Variants in GIMAP8 observed in about 807,000 individuals in gnomAD.
The protein encoded by GIMAP8 is GTPase IMAP family member 8.
GIMAP8 carries 29 observed loss-of-function variants against 35.6 expected under a neutral mutation model. The ratio of observed to expected loss-of-function variants is 0.81; its 90% CI spans 0.61 to 1.11. The LOEUF (loss-of-function observed/expected upper bound fraction) is 1.11, where lower values mean the gene tolerates loss of function less well. Among genes scored for constraint, GIMAP8 ranks in the 50% most tolerant of loss-of-function variants. The pLI is 0.00. For synonymous variants in GIMAP8, 335 were observed against 308.7 expected, an observed-to-expected ratio of 1.09 and a Z score of -0.89; for missense variants, 811 against 805.0, an observed-to-expected ratio of 1.01 and a Z score of -0.09.
At position 150,474,292 on chromosome 7, in the gene GIMAP8, T is replaced by C. The variant is rs947935491; in HGVS notation, c.963T>C (p.Cys321=). The change falls in exon 4 of 5, where the codon TGT becomes TGC. Residue 321 remains cysteine, a synonymous_variant. Transcript: ENST00000307271. The part of the protein sequence containing the change: ...NIDSEVRKHI[C]TGPHAFLLVT... ...ACTCAGAAGTTAGAAAACACATCTG[T>C]ACAGGCCCCCATGCCTTCCTGCTGG... 6.2e-7 allele frequency: 1 copy of C among 1,614,172 alleles called. No homozygotes were observed. Among genetic ancestry groups the C allele is most frequent in the Non-Finnish European group, 8.5e-7 (1 of 1,179,996 alleles).
At chr7:150,471,902 A>G (rs1802101205) in intron 3 of GIMAP8, among the ~76,000 whole-genome samples, 1 of 152,292 alleles carries the variant, frequency 6.6e-6, no homozygotes, top group South Asian at 2.1e-4. Flanking sequence ...ATGTAATTCA[A>G]TCTTCATAGC....
At chr7:150,461,153 G>T (rs536675846) in intron 1 of GIMAP8, among the ~76,000 whole-genome samples, 13 of 152,218 alleles carry the variant, frequency 8.5e-5, no homozygotes, top group Non-Finnish European at 1.3e-4. Flanking sequence ...ATAACAGATG[G>T]TCTAGCCTGG....
At chr7:150,469,816 G>A (rs111775785) in intron 2 of GIMAP8, among the ~76,000 whole-genome samples, 57 of 152,270 alleles carry the variant, frequency 3.7e-4, no homozygotes, top group African/African-American at 1.1e-3. Context: ...TCAATGAAAA[G>A]ATGGTTGCAT....
chr7:150,461,674 T>G (rs1460006347), intron 1 of GIMAP8, among the ~76,000 whole-genome samples: 3 of 152,258 alleles, frequency 2.0e-5, no homozygotes, highest in East Asian at 3.8e-4. Context: ...TCAGCCAGTC[T>G]ATACCTTTAA....
rs186347968 is a variant in GIMAP8 at position 150,474,848 on chromosome 7, A to G, written c.1309+210A>G. Among the ~76,000 whole-genome samples, 6 of 151,842 alleles carry G rather than the reference A, an allele frequency of 4.0e-5. No individual in the cohort carries two copies. In the East Asian group the frequency reaches 5.8e-4, roughly 15 times the overall value. On this transcript the variant is annotated intron_variant, in intron 4 of 4. Coordinates refer to ENST00000307271, the MANE Select transcript of GIMAP8 (RefSeq NM_175571.4). The stretch of plus-strand genomic sequence containing the variant: ...ACTAACTCGTCATCTAGCATTAGGT[A>G]TATCTCCCAATGCTATCCCTCCCCA...
chr7:150,475,342 GACTA>G (rs1351051812), intron 4 of GIMAP8, among the ~76,000 whole-genome samples: 1 of 152,196 alleles, frequency 6.6e-6, no homozygotes, highest in Non-Finnish European at 1.5e-5. Context: ...CTGTTCTATG[GACTA>G]ACTCTTTTCT....
rs569404840 is a variant in GIMAP8 at position 150,466,609 on chromosome 7, C to A, written c.-28-62C>A. 51 of 1,398,512 alleles carry A rather than the reference C, an allele frequency of 3.6e-5. No homozygotes were observed. In the East Asian group the frequency reaches 1.1e-3, roughly 31 times the overall value. The allele number at this position is 1,398,512 out of a possible 1,614,324, so 86.6% of individuals were successfully genotyped here. A position where few individuals can be genotyped will look rare whatever the true frequency, so the allele number is the denominator to read the frequency against. On this transcript the variant is annotated intron_variant, in intron 1 of 4. Coordinates refer to ENST00000307271, the MANE Select transcript of GIMAP8 (RefSeq NM_175571.4). ...GTCAAAAAGAGAATGTCTTTTCTTG[C>A]TGTTTTCCTGTCCACTCTGTGTGGG...
intron 1 of GIMAP8, among the ~76,000 whole-genome samples, chr7:150,464,779 T>C (rs1262245459): frequency 6.6e-6 from 1 of 152,244 alleles, no homozygotes; most frequent in Non-Finnish European, 1.5e-5. Context: ...TGGAGCCAGA[T>C]TGTTTTCTTT....
At position 150,450,797 on chromosome 7, in the gene GIMAP8, C is replaced by A. The variant is rs1563277575; in HGVS notation, c.-407C>A. ...CAGCCCCTGGCCAAGCCTCTGCTGTCATTTCTCCTCCCTCCTCTCAGTCTG... is the reference window on the plus strand; with the variant it reads ...CAGCCCCTGGCCAAGCCTCTGCTGTAATTTCTCCTCCCTCCTCTCAGTCTG... On this transcript the variant is annotated 5_prime_UTR_variant, in exon 1 of 5. Coordinates refer to ENST00000307271, the MANE Select transcript of GIMAP8 (RefSeq NM_175571.4). The surrounding 1 kb of genome is among the most constrained non-coding windows in gnomAD (Gnocchi z 4.4). The A allele has an allele frequency of 6.5e-6, 1 of 153,360 alleles. No individual in the cohort carries two copies. The highest frequency in any genetic ancestry group is 2.4e-5 in the African/African-American group (1 of 41,478). 9.5% of individuals were successfully genotyped at this position (153,360 alleles called of 1,614,324 possible).
intron 2 of GIMAP8, 59 bp from the exon 3 acceptor site, chr7:150,470,761 TTTTTTTTCA>T (rs1186602171): frequency 7.0e-4 from 499 of 710,874 alleles, no homozygotes; most frequent in East Asian, 4.1e-3. Context: ...TTTTTTTTTT[TTTTTTTTCA>T]GTTTGTGGAA....
At chr7:150,468,032 C>G (rs1361289751) in intron 2 of GIMAP8, among the ~76,000 whole-genome samples, 1 of 152,214 alleles carries the variant, frequency 6.6e-6, no homozygotes, top group African/African-American at 2.4e-5. Flanking sequence ...TCACCATGCT[C>G]TTTGTACCCA....
intron 1 of GIMAP8, among the ~76,000 whole-genome samples, chr7:150,454,166 T>G (rs1585110306): frequency 7.1e-6 from 1 of 141,672 alleles, no homozygotes; most frequent in African/African-American, 2.7e-5. Flanking sequence ...GGGAAGGGGG[T>G]GGGAGATGAG....
intron 1 of GIMAP8, among the ~76,000 whole-genome samples, chr7:150,455,870 A>G (rs1028897370): frequency 6.6e-6 from 1 of 152,222 alleles, no homozygotes; most frequent in African/African-American, 2.4e-5. Context: ...TCTCTGGGAT[A>G]TTCTGGGAGC....
At chr7:150,454,489 G>A (rs1801686566) in intron 1 of GIMAP8, among the ~76,000 whole-genome samples, 1 of 152,172 alleles carries the variant, frequency 6.6e-6, no homozygotes, top group African/African-American at 2.4e-5. Flanking sequence ...CTAAGTGATG[G>A]AGAATGGGTA....
At position 150,474,099 on chromosome 7, in the gene GIMAP8, G is replaced by T; in HGVS notation, c.770G>T (p.Gly257Val). 6.2e-7 allele frequency: 1 copy of T among 1,614,216 alleles called. No individual in the cohort carries two copies. Among genetic ancestry groups the T allele is most frequent in the Admixed American group, 1.7e-5 (1 of 60,026 alleles). Residue 257 changes from glycine (G) to valine (V), a missense_variant, in exon 4 of 5, where the codon GGT (glycine) becomes GTT (valine). Gly to Val is a moderately radical substitution (Grantham distance 109). Transcript: ENST00000307271. ...ACAGTCCTCCTTGTGGGGAAACGCGGTGCTGGAAAAAGTGCAGCAGGAAAC... is the reference window on the plus strand; with the variant it reads ...ACAGTCCTCCTTGTGGGGAAACGCGTTGCTGGAAAAAGTGCAGCAGGAAAC... ...ELTVLLVGKRGAGKSAAGNSI... is the reference protein window; with the variant it reads ...ELTVLLVGKRVAGKSAAGNSI...
At chr7:150,475,647 T>C (rs534699362) in intron 4 of GIMAP8, among the ~76,000 whole-genome samples, 5 of 152,346 alleles carry the variant, frequency 3.3e-5, no homozygotes, top group African/African-American at 4.8e-5. Flanking sequence ...CCCGTTTTTT[T>C]TTCTGCTTCA....
At chr7:150,460,127 T>A (rs1801813402) in intron 1 of GIMAP8, among the ~76,000 whole-genome samples, 1 of 152,148 alleles carries the variant, frequency 6.6e-6, no homozygotes, top group African/African-American at 2.4e-5. Context: ...CCATGTATAA[T>A]CTCCACCTCT....
chr7:150,473,954 G>T (rs1365906199), intron 3 of GIMAP8, 58 bp from the exon 4 acceptor site: 4 of 1,535,222 alleles, frequency 2.6e-6, no homozygotes, highest in Non-Finnish European at 3.5e-6. Flanking sequence ...CATAAAACCT[G>T]CCCACATCCA....
chr7:150,455,775 C>T (rs750220642), intron 1 of GIMAP8, among the ~76,000 whole-genome samples: 3 of 152,134 alleles, frequency 2.0e-5, no homozygotes, highest in Non-Finnish European at 4.4e-5. Context: ...CAGTTCTTGG[C>T]GATGTTGCTA....
Sources: allele counts gnomAD v4.1 joint callset (sites outside exome capture counted in the v4.1 genomes callset), GRCh38; gene constraint gnomAD v4.1.1; non-coding constraint Gnocchi (gnomAD v3.1); transcripts MANE v1.5; gene names NCBI Gene and HGNC (gene_info 2026-07-23, HGNC 2026-07-21).